Variants in RABGEF1 observed in about 807,000 individuals in gnomAD.
RABGEF1 encodes the protein RAB guanine nucleotide exchange factor 1, also known as rab5 GDP/GTP exchange factor.
In RABGEF1, 26 loss-of-function variants were observed where a neutral mutation model predicts 57.3. The observed-to-expected ratio is 0.45, with a 90% confidence interval of 0.33 to 0.63. The LOEUF is 0.63. Ranked by LOEUF, RABGEF1 falls within the 20% of genes least tolerant of loss-of-function variation. The pLI is 0.02. For missense variants in RABGEF1, 464 were observed against 607.6 expected, an observed-to-expected ratio of 0.76 and a Z score of 2.48; for synonymous variants, 185 against 210.7, an observed-to-expected ratio of 0.88 and a Z score of 1.06.
chr7:66,732,680 C>G (rs1370851019), intron 2 of RABGEF1, among the ~76,000 whole-genome samples: 4 of 152,140 alleles, frequency 2.6e-5, no homozygotes, highest in African/African-American at 4.8e-5. Flanking sequence ...ATTTTCCTGA[C>G]AAGCTGCGCT....
the RABGEF1 span, among the ~76,000 whole-genome samples, chr7:66,658,468 G>A: frequency 6.7e-6 from 1 of 149,570 alleles, no homozygotes; most frequent in African/African-American, 2.5e-5. Context: ...GGAGGCGGAA[G>A]TTGCAGTGAG....
Position 66,809,497 on chromosome 7 carries a change from TA to T in RABGEF1, c.*215del, listed in dbSNP as rs1789178640. The T allele has an allele frequency of 2.2e-6, 1 of 463,312 alleles. No individual in the cohort carries two copies. The highest frequency in any genetic ancestry group is 3.6e-6 in the Non-Finnish European group (1 of 278,736). The allele number at this position is 463,312 out of a possible 1,614,324, so 28.7% of individuals were successfully genotyped here. A position where few individuals can be genotyped will look rare whatever the true frequency, so the allele number is the denominator to read the frequency against. ...TTTGAGTTACTGATACAGATTCATT[TA>T]AGGCTTGTGTGCAAATTTTGTCTCA... On this transcript the variant is annotated 3_prime_UTR_variant, in exon 9 of 9. Transcript: ENST00000284957.
At chr7:66,801,933 A>G (rs1787383702) in intron 7 of RABGEF1, among the ~76,000 whole-genome samples, 1 of 152,180 alleles carries the variant, frequency 6.6e-6, no homozygotes, top group African/African-American at 2.4e-5. Flanking sequence ...TTTTTGAGAC[A>G]GGATCTCTCT....
At chr7:66,772,557 C>G (rs1478383190) in intron 2 of RABGEF1, among the ~76,000 whole-genome samples, 2 of 152,082 alleles carry the variant, frequency 1.3e-5, no homozygotes, top group African/African-American at 4.8e-5. Context: ...AGAAATTTAA[C>G]TTATATTTAA....
intron 1 of RABGEF1, among the ~76,000 whole-genome samples, chr7:66,687,883 C>A (rs1205412423): frequency 6.6e-6 from 1 of 151,910 alleles, no homozygotes; most frequent in African/African-American, 2.4e-5. Context: ...GTCGGGAGTT[C>A]AAGACCAGCC....
chr7:66,800,522 G>GT (rs1003979399), intron 7 of RABGEF1, among the ~76,000 whole-genome samples: 29 of 151,266 alleles, frequency 1.9e-4, no homozygotes, highest in African/African-American at 4.6e-4. Context: ...CAATACTATT[G>GT]TTTTTTTTTC....
Position 66,754,283 on chromosome 7 carries a change from T to A in RABGEF1, c.-18+13491T>A. Reference sequence around the variant, plus strand: ...TCCCAAAGTGCTGGGATTACAGGCCTGAGCCACTGTGCCAGGCCTTTGCCA... The same window carrying A: ...TCCCAAAGTGCTGGGATTACAGGCCAGAGCCACTGTGCCAGGCCTTTGCCA... On this transcript the variant is annotated intron_variant, in intron 1 of 8. Transcript: ENST00000284957. Among the ~76,000 whole-genome samples, 2 of 152,078 alleles carry A rather than the reference T, an allele frequency of 1.3e-5. 1 individual carries two copies. The highest frequency in any genetic ancestry group is 2.9e-5 in the Non-Finnish European group (2 of 68,012).
intron 1 of RABGEF1, among the ~76,000 whole-genome samples, chr7:66,712,005 A>C (rs745965471): frequency 6.6e-6 from 1 of 152,230 alleles, no homozygotes; most frequent in Non-Finnish European, 1.5e-5. Flanking sequence ...ACTTATAGTA[A>C]GTCCTAAATT....
At chr7:66,739,151 T>C (rs1585057425), upstream of RABGEF1, among the ~76,000 whole-genome samples, 1 of 151,836 alleles carries the variant, frequency 6.6e-6, no homozygotes, top group African/African-American at 2.4e-5. Flanking sequence ...GGTTTCTCCA[T>C]GTTGGTCAGG....
At chr7:66,663,494 C>T in the RABGEF1 span, among the ~76,000 whole-genome samples, 1 of 151,368 alleles carries the variant, frequency 6.6e-6, no homozygotes, top group Admixed American at 6.6e-5. Context: ...AGGAGAATCA[C>T]TTGAACCTGG....
the RABGEF1 span, among the ~76,000 whole-genome samples, chr7:66,655,408 C>T: frequency 2.6e-5 from 4 of 152,182 alleles, no homozygotes; most frequent in Non-Finnish European, 5.9e-5. Flanking sequence ...CGTGGGCGCC[C>T]GTGGACTCGT....
the RABGEF1 span, among the ~76,000 whole-genome samples, chr7:66,675,443 C>A: frequency 6.6e-6 from 1 of 151,504 alleles, no homozygotes; most frequent in Non-Finnish European, 1.5e-5. Context: ...AAAAAAGAAA[C>A]AAACAAAAAA....
chr7:66,795,628 G>A, intron 5 of RABGEF1, 36 bp downstream of exon 5: 1 of 1,524,074 alleles, frequency 6.6e-7, no homozygotes, highest in Non-Finnish European at 9.1e-7. Flanking sequence ...TGCGGGTATT[G>A]CACAGGGATG....
At chr7:66,673,429 G>A in the RABGEF1 span, among the ~76,000 whole-genome samples, 1 of 151,918 alleles carries the variant, frequency 6.6e-6, no homozygotes, top group Non-Finnish European at 1.5e-5. Context: ...AGTCATGGCT[G>A]GATCTGAGCC....
chr7:66,655,679 TAA>T, the RABGEF1 span, among the ~76,000 whole-genome samples: 5 of 152,186 alleles, frequency 3.3e-5, no homozygotes, highest in African/African-American at 1.2e-4. Context: ...TAACTGCTGT[TAA>T]AGAGTCCGTT....
rs1434337817 is a variant in RABGEF1 at position 66,763,888 on chromosome 7, T to C, written c.-17-7995T>C. ...TTTTGTTTATTAATTCATCAGTTGA[T>C]GTACATTTGGGTTGTTTCTGCTCTT... On this transcript the variant is annotated intron_variant, in intron 1 of 8. Transcript: ENST00000284957. Among the ~76,000 whole-genome samples the C allele has an allele frequency of 2.0e-5, 3 of 152,384 alleles. No individual in the cohort carries two copies. The South Asian group carries it at 6.2e-4, about 32-fold the overall frequency.
intron 6 of RABGEF1, among the ~76,000 whole-genome samples, chr7:66,797,817 TG>T (rs1786354995): frequency 6.6e-6 from 1 of 152,180 alleles, no homozygotes. Flanking sequence ...AGTGGGAAGC[TG>T]TGAATATCGG....
At chr7:66,786,571 GTTTT>G (rs1481660887) in intron 4 of RABGEF1, among the ~76,000 whole-genome samples, 1 of 151,998 alleles carries the variant, frequency 6.6e-6, no homozygotes, top group African/African-American at 2.4e-5. Context: ...GTCTGGCTGA[GTTTT>G]TTATTTTTTG....
intron 4 of RABGEF1, among the ~76,000 whole-genome samples, chr7:66,785,747 G>A (rs753774917): frequency 6.6e-6 from 1 of 152,162 alleles, no homozygotes; most frequent in African/African-American, 2.4e-5. Context: ...GGTGGCAGGC[G>A]CCTGTAGTCC....
Sources: allele counts gnomAD v4.1 joint callset (sites outside exome capture counted in the v4.1 genomes callset), GRCh38; gene constraint gnomAD v4.1.1; transcripts MANE v1.5; gene names NCBI Gene and HGNC (gene_info 2026-07-23, HGNC 2026-07-21).